Variants in NOX4 observed in about 807,000 individuals in gnomAD.
NOX4 encodes the protein NADPH oxidase 4.
Under a neutral mutation model 87.6 loss-of-function variants are expected in NOX4, and 69 were observed. The ratio of observed to expected loss-of-function variants is 0.79; its 90% CI spans 0.65 to 0.96. The LOEUF is 0.96. NOX4 is among the 40% of genes least tolerant of loss of function. The probability of loss-of-function intolerance (pLI) is 0.00; values close to 1 mark genes in which losing one functional copy is unlikely to be tolerated. For missense variants in NOX4, 680 were observed against 681.5 expected, an observed-to-expected ratio of 1.00 and a Z score of 0.02; for synonymous variants, 275 against 238.2, an observed-to-expected ratio of 1.15 and a Z score of -1.42.
chr11:89,457,681 G>A (rs924196565), intron 2 of NOX4, among the ~76,000 whole-genome samples: 1 of 152,008 alleles, frequency 6.6e-6, no homozygotes, highest in Non-Finnish European at 1.5e-5. Context: ...ACTTCCAAAG[G>A]CATCAAAGAA....
chr11:89,433,043 T>A (rs949659948), intron 6 of NOX4, among the ~76,000 whole-genome samples, 187 bp from the exon 7 acceptor site: 5 of 152,162 alleles, frequency 3.3e-5, no homozygotes, highest in African/African-American at 1.2e-4. Flanking sequence ...AATTTTTGAT[T>A]GACAGATAAT....
chr11:89,351,534 C>A (rs1200091624), intron 13 of NOX4, among the ~76,000 whole-genome samples: 1 of 152,112 alleles, frequency 6.6e-6, no homozygotes, highest in Non-Finnish European at 1.5e-5. Context: ...GCAGTCAATG[C>A]CTGTCTTCAA....
At chr11:89,452,332 C>T (rs899646765) in intron 2 of NOX4, among the ~76,000 whole-genome samples, 3 of 152,134 alleles carry the variant, frequency 2.0e-5, no homozygotes, top group Non-Finnish European at 4.4e-5. Flanking sequence ...GGAACACTCT[C>T]AGTCTCCACA....
intron 12 of NOX4, among the ~76,000 whole-genome samples, chr11:89,367,848 C>T (rs1263608912): frequency 6.6e-6 from 1 of 152,076 alleles, no homozygotes; most frequent in Non-Finnish European, 1.5e-5. Flanking sequence ...CCAGGCCTCC[C>T]AATAGCATGA....
At chr11:89,370,599 A>T (rs1939366805) in intron 12 of NOX4, among the ~76,000 whole-genome samples, 1 of 152,054 alleles carries the variant, frequency 6.6e-6, no homozygotes, top group Admixed American at 6.6e-5. Flanking sequence ...CTTCTAGAAG[A>T]GCAATAAGGT....
chr11:89,540,094 C>T, the NOX4 span, among the ~76,000 whole-genome samples: 7 of 152,050 alleles, frequency 4.6e-5, no homozygotes, highest in Non-Finnish European at 1.0e-4. Context: ...ACTAAAGGAA[C>T]GTAATACCCG....
intron 2 of NOX4, among the ~76,000 whole-genome samples, chr11:89,469,351 T>C (rs572589889): frequency 1.3e-5 from 2 of 152,254 alleles, no homozygotes; most frequent in East Asian, 3.9e-4. Context: ...GAAAACAAAA[T>C]TAAAAATAAC....
chr11:89,487,723 C>T (rs190383809), intron 2 of NOX4, among the ~76,000 whole-genome samples: 118 of 152,230 alleles, frequency 7.8e-4, no homozygotes, highest in African/African-American at 2.4e-3. Flanking sequence ...CTCTAAGATG[C>T]TAAGTTAATA....
intron 16 of NOX4, among the ~76,000 whole-genome samples, chr11:89,336,633 C>CA (rs1945727374): frequency 6.6e-6 from 1 of 151,894 alleles, no homozygotes; most frequent in Non-Finnish European, 1.5e-5. Context: ...ATCTGAGTCC[C>CA]AGGCAGGCAA....
chr11:89,482,533 A>T (rs1029363732), intron 2 of NOX4, among the ~76,000 whole-genome samples: 2 of 152,078 alleles, frequency 1.3e-5, no homozygotes, highest in African/African-American at 4.8e-5. Context: ...AAAGCCCTCT[A>T]TAAGTCAAGG....
At chr11:89,455,930 T>C (rs1211875293) in intron 2 of NOX4, among the ~76,000 whole-genome samples, 1 of 151,584 alleles carries the variant, frequency 6.6e-6, no homozygotes, top group Non-Finnish European at 1.5e-5. Context: ...TAGTGGGAAG[T>C]GGGGAGATGA....
At chr11:89,499,366 A>G (rs189727571), upstream of NOX4, among the ~76,000 whole-genome samples, 3 of 152,330 alleles carry the variant, frequency 2.0e-5, no homozygotes, top group Admixed American at 1.3e-4. Context: ...TTAATGTCTA[A>G]CATGTGAAAC....
At chr11:89,554,194 A>G in the NOX4 span, among the ~76,000 whole-genome samples, 1 of 152,072 alleles carries the variant, frequency 6.6e-6, no homozygotes, top group Admixed American at 6.6e-5. Flanking sequence ...TTCATAAAAC[A>G]TGGATCTAGC....
chr11:89,453,736 G>C (rs1430692026), intron 2 of NOX4, among the ~76,000 whole-genome samples: 1 of 152,106 alleles, frequency 6.6e-6, no homozygotes, highest in Non-Finnish European at 1.5e-5. Context: ...GTGAAGTTAA[G>C]AATTTACCCA....
chr11:89,349,977 GT>G (rs746532974), intron 13 of NOX4, among the ~76,000 whole-genome samples: 2 of 152,122 alleles, frequency 1.3e-5, no homozygotes, highest in East Asian at 1.9e-4. Flanking sequence ...AATAAAACTT[GT>G]TTTTTATCTC....
At chr11:89,504,503 AGATAGGT>A in the NOX4 span, among the ~76,000 whole-genome samples, 2 of 151,996 alleles carry the variant, frequency 1.3e-5, no homozygotes, top group African/African-American at 4.8e-5. Flanking sequence ...CTACTGAAGT[AGATAGGT>A]GATAAGAGAC....
At chr11:89,409,869 A>AT (rs949745520) in intron 8 of NOX4, among the ~76,000 whole-genome samples, 81 of 152,238 alleles carry the variant, frequency 5.3e-4, no homozygotes, top group African/African-American at 1.7e-3. Context: ...ATTCAATAAT[A>AT]TTTTTCACCC....
At chr11:89,466,509 C>A (rs1018222302) in intron 2 of NOX4, among the ~76,000 whole-genome samples, 1 of 152,158 alleles carries the variant, frequency 6.6e-6, no homozygotes, top group African/African-American at 2.4e-5. Context: ...TGGATCACAT[C>A]CTTTCACTAA....
the NOX4 span, among the ~76,000 whole-genome samples, chr11:89,526,896 G>C: frequency 6.6e-6 from 1 of 152,190 alleles, no homozygotes; most frequent in Non-Finnish European, 1.5e-5. Context: ...AGTGACTTTG[G>C]AAGTGTGTAA....
Sources: gnomAD v4.1 joint callset for allele counts (sites outside exome capture counted in the v4.1 genomes callset) on GRCh38, gnomAD v4.1.1 for gene constraint, MANE v1.5 for transcripts, NCBI Gene and HGNC (gene_info 2026-07-23, HGNC 2026-07-21) for gene names.